Variants in DGKG observed in about 807,000 individuals in gnomAD.
DGKG encodes DAG kinase gamma.
A neutral mutation model predicts 105.3 loss-of-function variants in DGKG; 78 were observed. The ratio of observed to expected loss-of-function variants is 0.74; its 90% CI spans 0.62 to 0.89. The LOEUF (loss-of-function observed/expected upper bound fraction) is 0.89. Among genes scored for constraint, DGKG ranks in the 40% least tolerant of loss-of-function variants. DGKG has a pLI of 0.00. For missense variants in DGKG, 958 were observed against 1,020.1 expected (o/e 0.94, Z 0.83); for synonymous variants, 346 against 367.1 (o/e 0.94, Z 0.66).
chr3:186,202,855 G>A (rs893384616), intron 21 of DGKG, among the ~76,000 whole-genome samples: 1 of 152,190 alleles, frequency 6.6e-6, no homozygotes, highest in Non-Finnish European at 1.5e-5. Context: ...TTGTGAAAAT[G>A]TAGGCATAAA....
At chr3:186,153,986 A>G (rs926479428) in intron 24 of DGKG, among the ~76,000 whole-genome samples, 5 of 152,116 alleles carry the variant, frequency 3.3e-5, no homozygotes, top group Non-Finnish European at 5.9e-5. Flanking sequence ...GCCCTTAGCT[A>G]CTTGGAAGGC....
At chr3:186,261,363 TA>T (rs1190158508) in intron 15 of DGKG, among the ~76,000 whole-genome samples, 2 of 152,152 alleles carry the variant, frequency 1.3e-5, no homozygotes, top group Non-Finnish European at 2.9e-5. Context: ...CATCATCTCT[TA>T]AATCAAGAGA....
At chr3:186,215,766 C>T (rs1434211798) in intron 20 of DGKG, among the ~76,000 whole-genome samples, 1 of 151,988 alleles carries the variant, frequency 6.6e-6, no homozygotes, top group Non-Finnish European at 1.5e-5. Flanking sequence ...TCTTAGACAG[C>T]GTGATAGATG....
intron 1 of DGKG, among the ~76,000 whole-genome samples, chr3:186,353,650 G>GTCTATA (rs1434710376): frequency 0.017 from 1,012 of 60,762 alleles, 8 homozygotes; most frequent in African/African-American, 0.037. Flanking sequence ...CTATATCTAT[G>GTCTATA]TCTATGTCTA....
At chr3:186,251,023 G>A (rs961118349) in intron 19 of DGKG, among the ~76,000 whole-genome samples, 5 of 152,126 alleles carry the variant, frequency 3.3e-5, no homozygotes, top group Admixed American at 6.5e-5. Flanking sequence ...CAGAAGCTGA[G>A]CTACACTAGA....
At chr3:186,300,416 G>A (rs1002024898) in intron 3 of DGKG, among the ~76,000 whole-genome samples, 2 of 152,154 alleles carry the variant, frequency 1.3e-5, no homozygotes, top group African/African-American at 2.4e-5. Flanking sequence ...TCACAGACGT[G>A]ATCATCTCTT....
intron 22 of DGKG, among the ~76,000 whole-genome samples, chr3:186,170,968 A>T (rs1040486803): frequency 6.6e-6 from 1 of 152,230 alleles, no homozygotes; most frequent in Non-Finnish European, 1.5e-5. Flanking sequence ...CTTTGGGAAC[A>T]TCTGGAAGCC....
intron 22 of DGKG, among the ~76,000 whole-genome samples, chr3:186,165,460 C>A (rs1395898272): frequency 6.6e-6 from 1 of 152,222 alleles, no homozygotes; most frequent in East Asian, 1.9e-4. Flanking sequence ...CATTTGGCCC[C>A]ACTGACAATG....
At chr3:186,288,674 A>G (rs749827027) in intron 6 of DGKG, 36 bp downstream of exon 6, 34 of 1,608,812 alleles carry the variant, frequency 2.1e-5, no homozygotes, top group Non-Finnish European at 2.8e-5. Context: ...CTTCTCTAGG[A>G]AAAAGCTGAA....
chr3:186,185,047 T>C (rs891001856), intron 22 of DGKG, among the ~76,000 whole-genome samples: 2 of 152,160 alleles, frequency 1.3e-5, no homozygotes, highest in Non-Finnish European at 2.9e-5. Flanking sequence ...ATTTTACAGA[T>C]ACAGAAAACT....
At chr3:186,334,721 TA>T (rs1725749256) in intron 1 of DGKG, among the ~76,000 whole-genome samples, 1 of 152,216 alleles carries the variant, frequency 6.6e-6, no homozygotes, top group South Asian at 2.1e-4. Flanking sequence ...ATGCTCATTT[TA>T]AAGCTGAGGA....
chr3:186,211,386 C>G (rs1448289756), intron 21 of DGKG, among the ~76,000 whole-genome samples: 1 of 152,232 alleles, frequency 6.6e-6, no homozygotes, highest in Non-Finnish European at 1.5e-5. Flanking sequence ...AGCCCCTATA[C>G]TCCCCACCCC....
chr3:186,273,356 C>T (rs1190136588), intron 10 of DGKG, among the ~76,000 whole-genome samples: 10 of 135,354 alleles, frequency 7.4e-5, no homozygotes, highest in African/African-American at 2.7e-4. Flanking sequence ...GCTGGGGAGA[C>T]TGTTGTACCC....
rs914725218 is a variant in DGKG at position 186,242,402 on chromosome 3, C to G, written c.1826+102G>C. Reference sequence around the variant, plus strand: ...GCAAGTGGCAGGAAGGCCAAGTCCCCAGCGGCCCTGGCTGGGAAAATTTCC... The same window carrying G: ...GCAAGTGGCAGGAAGGCCAAGTCCCGAGCGGCCCTGGCTGGGAAAATTTCC... On this transcript the variant is annotated intron_variant, in intron 20 of 24. Coordinates refer to ENST00000265022, the MANE Select transcript of DGKG (RefSeq NM_001346.3). 8.3e-6 allele frequency: 8 copies of G among 959,720 alleles called. No homozygotes were observed. In the Admixed American group the frequency reaches 2.3e-4, roughly 27 times the overall value. 59.5% of individuals were successfully genotyped at this position (959,720 alleles called of 1,614,324 possible). A position where few individuals can be genotyped will look rare whatever the true frequency, so the allele number is the denominator to read the frequency against.
intron 24 of DGKG, chr3:186,161,074 T>A: frequency 1.0e-6 from 1 of 986,746 alleles, no homozygotes; most frequent in Non-Finnish European, 1.2e-6. Flanking sequence ...TTCAAGTAGG[T>A]TATCAGGGCT....
chr3:186,292,196 C>T (rs1046826438), intron 5 of DGKG, among the ~76,000 whole-genome samples: 1 of 152,164 alleles, frequency 6.6e-6, no homozygotes, highest in African/African-American at 2.4e-5. Flanking sequence ...CTGACTTGTT[C>T]CACTTTCTCC....
In DGKG at chr3:186,361,472, G is replaced by A. The variant is rs73182221; in HGVS notation, c.-249+474C>T. ...TCCCTTTAAGTCGCCCTGCGCAGGG[G>A]CTTTGTGGAGTGCCCCCAAAGTCCT... On this transcript the variant is annotated intron_variant, in intron 1 of 24. Coordinates refer to ENST00000265022, the MANE Select transcript of DGKG (RefSeq NM_001346.3). This position sits in a 1 kb window ranked among gnomAD's most constrained non-coding sequence, Gnocchi z 6.8. Among the ~76,000 whole-genome samples the A allele has an allele frequency of 0.075, 11,470 of 152,190 alleles. 492 individuals carry two copies. The highest frequency in any genetic ancestry group is 0.11 in the Middle Eastern group (33 of 294).
intron 3 of DGKG, among the ~76,000 whole-genome samples, chr3:186,299,809 CTTTCTTTCTTTCTTTCTTTCTTTCTTTCT>C (rs1560141866): frequency 2.1e-5 from 2 of 97,468 alleles, no homozygotes; most frequent in Non-Finnish European, 4.3e-5. Context: ...TTCTTTCTTT[CTTTCTTTCTTTCTTTCTTTCTTTCTTTCT>C]TTTTTTTTTT....
intron 4 of DGKG, 146 bp downstream of exon 4, chr3:186,297,918 G>C: frequency 1.1e-6 from 1 of 880,698 alleles, no homozygotes; most frequent in South Asian, 1.8e-5. Context: ...GGCACTATGA[G>C]GAAAGGCGTC....
Sources: gnomAD v4.1 joint callset for allele counts (sites outside exome capture counted in the v4.1 genomes callset) on GRCh38, gnomAD v4.1.1 for gene constraint, Gnocchi (gnomAD v3.1) non-coding constraint, MANE v1.5 for transcripts, NCBI Gene and HGNC (gene_info 2026-07-23, HGNC 2026-07-21) for gene names.